DOCK5: variants seen among roughly 807,000 people sequenced by gnomAD.
DOCK5 encodes the protein dedicator of cytokinesis 5, also known as dedicator of cytokinesis protein 5.
DOCK5 carries 142 observed loss-of-function variants against 251.8 expected under a neutral mutation model. That is an observed-to-expected ratio of 0.56 (90% CI 0.49 to 0.65). The LOEUF (loss-of-function observed/expected upper bound fraction) is 0.65, where lower values mean the gene tolerates loss of function less well. Ranked by LOEUF, DOCK5 falls within the 30% of genes least tolerant of loss-of-function variation. The pLI is 0.00. For synonymous variants in DOCK5, 842 were observed against 835.5 expected, an observed-to-expected ratio of 1.01 and a Z score of -0.13; for missense variants, 2,111 against 2,312.3, an observed-to-expected ratio of 0.91 and a Z score of 1.79.
At chr8:25,379,507 G>A (rs1266905233) in intron 38 of DOCK5, among the ~76,000 whole-genome samples, 8 of 152,188 alleles carry the variant, frequency 5.3e-5, no homozygotes, top group Admixed American at 1.3e-4. Flanking sequence ...CCAAAAAATC[G>A]CTGTTATTCT....
intron 7 of DOCK5, among the ~76,000 whole-genome samples, chr8:25,298,450 G>A (rs1804673546): frequency 6.6e-6 from 1 of 152,030 alleles, no homozygotes; most frequent in South Asian, 2.1e-4. Flanking sequence ...TGAATGTCTG[G>A]GATTCAAGGC....
At chr8:25,228,059 T>C (rs1489532707) in intron 1 of DOCK5, among the ~76,000 whole-genome samples, 2 of 152,158 alleles carry the variant, frequency 1.3e-5, no homozygotes, top group East Asian at 3.9e-4. Context: ...TAACTTTTTG[T>C]AGAGATGGAG....
intron 27 of DOCK5, among the ~76,000 whole-genome samples, chr8:25,356,905 G>A (rs1312449282): frequency 7.3e-5 from 6 of 82,522 alleles, no homozygotes; most frequent in East Asian, 3.6e-4. Context: ...TCTATATGAA[G>A]ATTATATATA....
chr8:25,341,740 G>A lies in DOCK5; in HGVS notation c.2441G>A (p.Gly814Glu). 1 of 1,575,256 alleles carries A rather than the reference G, an allele frequency of 6.3e-7. No homozygotes were observed. Among genetic ancestry groups the A allele is most frequent in the Non-Finnish European group, 8.6e-7 (1 of 1,158,650 alleles). ...TTGCCTTTGGTGTTTTTCTTACAGG[G>A]GGCAGCTTTGAAGTACCTTCCTAGC... ...RPLEEAVKIKGAALKYLPSII... is the reference protein window; with the variant it reads ...RPLEEAVKIKEAALKYLPSII... The change falls in exon 24 of 52, where the codon GGG becomes GAG. Residue 814 changes from glycine to glutamate, a missense_variant and splice_region_variant. Coordinates refer to ENST00000276440, the MANE Select transcript of DOCK5 (RefSeq NM_024940.8).
At chr8:25,253,459 C>A (rs1029049515) in intron 2 of DOCK5, among the ~76,000 whole-genome samples, 2 of 152,182 alleles carry the variant, frequency 1.3e-5, no homozygotes, top group African/African-American at 2.4e-5. Flanking sequence ...CAGCTGTCTT[C>A]ACACCCCTGA....
Position 25,377,297 on chromosome 8 carries a change from C to T in DOCK5, c.3817-8C>T. ...TATTAACCGTGTGTCGCTTTTCTTC[C>T]TTTTCAGTGGTCTGACAAGCCCTGT... On this transcript the variant is annotated splice_polypyrimidine_tract_variant and splice_region_variant and intron_variant, in intron 37 of 51. Transcript: ENST00000276440. 1 of 1,601,668 alleles carries T rather than the reference C, an allele frequency of 6.2e-7. No homozygotes were observed. Among genetic ancestry groups the T allele is most frequent in the Non-Finnish European group, 8.5e-7 (1 of 1,174,762 alleles).
chr8:25,400,274 G>T (rs1801415381), intron 46 of DOCK5, among the ~76,000 whole-genome samples: 1 of 151,986 alleles, frequency 6.6e-6, no homozygotes, highest in Admixed American at 6.6e-5. Context: ...TGAAGTGGGT[G>T]GATCACCTGA....
intron 1 of DOCK5, among the ~76,000 whole-genome samples, chr8:25,232,080 C>CTTTGTATGA (rs1802680996): frequency 6.6e-6 from 1 of 152,150 alleles, no homozygotes; most frequent in Non-Finnish European, 1.5e-5. Flanking sequence ...AAAGAAAATG[C>CTTTGTATGA]TTTGTATGAT....
intron 1 of DOCK5, 52 bp from the exon 2 acceptor site, chr8:25,243,622 C>G: frequency 6.4e-7 from 1 of 1,552,224 alleles, no homozygotes; most frequent in South Asian, 1.2e-5. Flanking sequence ...AGCCACCGTG[C>G]CCAGCCAAGT....
intron 2 of DOCK5, among the ~76,000 whole-genome samples, chr8:25,260,780 T>TTTTC (rs1299115867): frequency 2.0e-5 from 3 of 151,640 alleles, no homozygotes; most frequent in East Asian, 1.9e-4. Flanking sequence ...AGAGAGACAA[T>TTTTC]TTTCTTTCTT....
intron 36 of DOCK5, 68 bp downstream of exon 36, chr8:25,373,726 A>G: frequency 1.4e-6 from 2 of 1,445,064 alleles, no homozygotes; most frequent in Non-Finnish European, 1.9e-6. Context: ...TCTTCAGTAA[A>G]CAAATACTTT....
chr8:25,256,455 A>G (rs1803422356), intron 2 of DOCK5, among the ~76,000 whole-genome samples: 1 of 152,182 alleles, frequency 6.6e-6, no homozygotes, highest in East Asian at 1.9e-4. Context: ...CCTGGCCAAC[A>G]TGGCGAAAAC....
chr8:25,207,873 A>T (rs1802040853), intron 1 of DOCK5, among the ~76,000 whole-genome samples: 1 of 152,228 alleles, frequency 6.6e-6, no homozygotes, highest in African/African-American at 2.4e-5. Flanking sequence ...TGGCTGCCAT[A>T]AATAGTGATT....
intron 9 of DOCK5, among the ~76,000 whole-genome samples, chr8:25,301,954 C>G (rs1397569758): frequency 6.6e-6 from 1 of 152,138 alleles, no homozygotes; most frequent in East Asian, 1.9e-4. Context: ...GTTTTTACTT[C>G]ATTTGATGTT....
intron 4 of DOCK5, among the ~76,000 whole-genome samples, chr8:25,275,843 A>T (rs1266199019): frequency 6.6e-6 from 1 of 152,184 alleles, no homozygotes; most frequent in Non-Finnish European, 1.5e-5. Flanking sequence ...CTCAAAAAAA[A>T]ATAAAATTAA....
intron 1 of DOCK5, among the ~76,000 whole-genome samples, chr8:25,239,282 G>A (rs1334661210): frequency 6.6e-6 from 1 of 151,622 alleles, no homozygotes; most frequent in Non-Finnish European, 1.5e-5. Flanking sequence ...TAGAGATCTA[G>A]GTTTTAAGCA....
Position 25,392,007 on chromosome 8 carries a change from G to C in DOCK5, c.4440+27G>C, listed in dbSNP as rs894131293. Reference sequence around the variant, plus strand: ...TGAGTTCACCCCTTTTGTCCTTTAAGAGGTAAAATTAACGGGCTGAGCACG... The same window carrying C: ...TGAGTTCACCCCTTTTGTCCTTTAACAGGTAAAATTAACGGGCTGAGCACG... On this transcript the variant is annotated intron_variant, in intron 43 of 51. Transcript: ENST00000276440. The C allele has an allele frequency of 9.9e-6, 16 of 1,608,680 alleles. No homozygotes were observed. In the Admixed American group the frequency reaches 1.3e-4, roughly 14 times the overall value.
At chr8:25,189,042 CTTTCTTTTTTTT>C (rs759878170) in intron 1 of DOCK5, among the ~76,000 whole-genome samples, 1 of 97,640 alleles carries the variant, frequency 1.0e-5, no homozygotes, top group Middle Eastern at 5.2e-3. Flanking sequence ...TTCTTTCTTT[CTTTCTTTTTTTT>C]TTTTTTTTTT....
chr8:25,402,848 C>T (rs769699837), intron 47 of DOCK5, among the ~76,000 whole-genome samples: 3 of 152,188 alleles, frequency 2.0e-5, no homozygotes, highest in Non-Finnish European at 4.4e-5. Flanking sequence ...TGTCTGCCCA[C>T]CTTCAGTACA....
Sources: gnomAD v4.1 joint callset for allele counts (sites outside exome capture counted in the v4.1 genomes callset) on GRCh38, gnomAD v4.1.1 for gene constraint, MANE v1.5 for transcripts, NCBI Gene and HGNC (gene_info 2026-07-23, HGNC 2026-07-21) for gene names.